The following SHB variants were observed in gnomAD, a reference collection of about 807,000 sequenced individuals.
SHB encodes SH2 domain containing adaptor protein B.
In SHB, 20 loss-of-function variants were observed where a neutral mutation model predicts 52.3. That is an observed-to-expected ratio of 0.38 (90% CI 0.27 to 0.56). The LOEUF (loss-of-function observed/expected upper bound fraction) is 0.56. Among genes scored for constraint, SHB ranks in the 20% least tolerant of loss-of-function variants. The pLI is 0.71. For missense variants in SHB, 825 were observed against 723.3 expected (o/e 1.14, Z -1.61); for synonymous variants, 397 against 316.5 (o/e 1.25, Z -2.70).
At chr9:38,001,313 C>T (rs982709447) in intron 2 of SHB, among the ~76,000 whole-genome samples, 7 of 152,170 alleles carry the variant, frequency 4.6e-5, no homozygotes, top group Non-Finnish European at 8.8e-5. Context: ...CAAAGGGAGA[C>T]GGAACCACCC....
At chr9:37,970,177 G>T (rs1820574646) in intron 3 of SHB, among the ~76,000 whole-genome samples, 1 of 152,208 alleles carries the variant, frequency 6.6e-6, no homozygotes, top group South Asian at 2.1e-4. Flanking sequence ...AGTGGGAGTG[G>T]GGGTCTGGTG....
chr9:37,927,383 A>G (rs1832262610), intron 5 of SHB, among the ~76,000 whole-genome samples: 1 of 152,250 alleles, frequency 6.6e-6, no homozygotes, highest in Non-Finnish European at 1.5e-5. Flanking sequence ...GCTGAGCAAA[A>G]TGACGTGATT....
At chr9:37,966,917 C>T (rs553758643) in intron 3 of SHB, among the ~76,000 whole-genome samples, 5 of 152,296 alleles carry the variant, frequency 3.3e-5, no homozygotes, top group Admixed American at 2.6e-4. Flanking sequence ...TTGAGGGGGA[C>T]GGTGACAAGT....
intron 2 of SHB, among the ~76,000 whole-genome samples, chr9:37,989,359 C>T (rs75111168): frequency 0.012 from 1,882 of 152,248 alleles, 18 homozygotes; most frequent in Non-Finnish European, 0.019. Context: ...TAGCAGTTCC[C>T]TAAGAGGACC....
intron 1 of SHB, among the ~76,000 whole-genome samples, chr9:38,043,632 G>C (rs1821608732): frequency 6.6e-6 from 1 of 152,176 alleles, no homozygotes; most frequent in Admixed American, 6.5e-5. Flanking sequence ...GCTCACACCT[G>C]TAATCCCAGC....
chr9:37,958,337 T>G lies in SHB; in HGVS notation c.1055-2283A>C, dbSNP rs73455532. Among the ~76,000 whole-genome samples the G allele has an allele frequency of 8.2e-3, 1,251 of 152,096 alleles. 18 individuals carry two copies. The highest frequency in any genetic ancestry group is 0.028 in the African/African-American group (1,173 of 41,490). ...GACTACGGGTGACCACAGGCTGAAG[T>G]GCAGCATCAGAGAAGGACGACTACT... On this transcript the variant is annotated intron_variant, in intron 3 of 5. Transcript: ENST00000377707.
At position 38,068,479 on chromosome 9, in the gene SHB, C is replaced by T. The variant is rs1822007192; in HGVS notation, c.167G>A (p.Gly56Asp). The T allele has an allele frequency of 6.6e-7, 1 of 1,505,392 alleles. No individual in the cohort carries two copies. The highest frequency in any genetic ancestry group is 1.4e-5 in the African/African-American group (1 of 69,102). 93.3% of individuals were successfully genotyped at this position (1,505,392 alleles called of 1,614,324 possible). A position where few individuals can be genotyped will look rare whatever the true frequency, so the allele number is the denominator to read the frequency against. ...TGAGAAGCAGGAGGCGGTGGCCGGA[C>T]CGCAGGACGCCGAGGCGGCGGAGGA... ...QASSAASASC[G>D]PATASCFSAS... The change falls in exon 1 of 6, where the codon GGT (glycine) becomes GAT (aspartate). Residue 56 changes from glycine to aspartate, a missense_variant. Transcript: ENST00000377707.
At chr9:38,019,883 C>T (rs944841875) in intron 1 of SHB, among the ~76,000 whole-genome samples, 3 of 151,982 alleles carry the variant, frequency 2.0e-5, no homozygotes, top group Admixed American at 2.0e-4. Flanking sequence ...CATTATGCAG[C>T]AGGCTGAAAA....
Position 37,955,887 on chromosome 9 carries a change from G to C in SHB, c.1222C>G (p.Gln408Glu). The C allele has an allele frequency of 6.2e-7, 1 of 1,613,182 alleles. No homozygotes were observed. Among genetic ancestry groups the C allele is most frequent in the Non-Finnish European group, 8.5e-7 (1 of 1,179,440 alleles). The change falls in exon 4 of 6, where the codon CAA becomes GAA. Residue 408 changes from glutamine to glutamate, a missense_variant. Gln to Glu is a conservative substitution (Grantham distance 29, BLOSUM62 2). Transcript: ENST00000377707. ...RVDPAVPLEK[Q>E]IWYHGAISRG... The stretch of plus-strand genomic sequence containing the variant: ...GCTTTGCTCCCAAGAACTTACATTT[G>C]CTTCTCCAGGGGGACGGCAGGATCC...
chr9:37,977,234 A>C (rs1428170581), intron 2 of SHB, among the ~76,000 whole-genome samples: 1 of 152,194 alleles, frequency 6.6e-6, no homozygotes, highest in African/African-American at 2.4e-5. Context: ...AATGAATAAA[A>C]ACCAGCAAGG....
rs1225270546 is a variant in SHB, at chr9:37,997,473, A to T, written c.838+18538T>A. On this transcript the variant is annotated intron_variant, in intron 2 of 5. Coordinates refer to ENST00000377707, the MANE Select transcript of SHB (RefSeq NM_003028.3). ...CCTTTCCTGCCTCCTTTTCCCCTGG[A>T]ACCTGAGTGATCGAAATACCTCTGT... 2.0e-5 allele frequency among the ~76,000 whole-genome samples: 3 copies of T among 152,148 alleles called. No individual in the cohort carries two copies. In the East Asian group the frequency reaches 5.8e-4, roughly 29 times the overall value.
intron 5 of SHB, among the ~76,000 whole-genome samples, chr9:37,929,105 A>G (rs1832284010): frequency 6.6e-6 from 1 of 152,262 alleles, no homozygotes; most frequent in Non-Finnish European, 1.5e-5. Context: ...AGGGCCACCC[A>G]GACCTGTATC....
intron 1 of SHB, among the ~76,000 whole-genome samples, chr9:38,048,447 A>G (rs1349617865): frequency 6.6e-6 from 1 of 152,202 alleles, no homozygotes; most frequent in Non-Finnish European, 1.5e-5. Context: ...CAGCCTGGGC[A>G]GCACAGTGAG....
intron 1 of SHB, among the ~76,000 whole-genome samples, chr9:38,054,026 A>C (rs2118172735): frequency 6.7e-6 from 1 of 148,844 alleles, no homozygotes; most frequent in South Asian, 2.1e-4. Flanking sequence ...AATGGTCAGG[A>C]AACACCATCT....
intron 1 of SHB, among the ~76,000 whole-genome samples, chr9:38,063,815 A>T (rs1419545469): frequency 9.1e-5 from 12 of 131,692 alleles, no homozygotes; most frequent in Admixed American, 4.4e-4. Flanking sequence ...TTTTTTTTTT[A>T]AAGTTAGACA....
chr9:38,013,693 G>A (rs896023799), intron 2 of SHB, among the ~76,000 whole-genome samples: 4 of 152,174 alleles, frequency 2.6e-5, no homozygotes, highest in Admixed American at 6.5e-5. Context: ...AGGGAACTCC[G>A]GCTCCATTCC....
intron 1 of SHB, among the ~76,000 whole-genome samples, chr9:38,036,797 C>A (rs1482814968): frequency 6.6e-6 from 1 of 152,206 alleles, no homozygotes; most frequent in Non-Finnish European, 1.5e-5. Flanking sequence ...ATGCTCAGTT[C>A]TTTTAATACA....
chr9:37,962,096 G>C (rs73455537), intron 3 of SHB, among the ~76,000 whole-genome samples: 2,044 of 152,312 alleles, frequency 0.013, 47 homozygotes, highest in African/African-American at 0.046. Flanking sequence ...TTGAGCCTTA[G>C]CTGCCTCATC....
At position 38,013,300 on chromosome 9, in the gene SHB, C is replaced by A. The variant is rs555366327; in HGVS notation, c.838+2711G>T. On this transcript the variant is annotated intron_variant, in intron 2 of 5. Transcript: ENST00000377707. ...AAATTGCCCTGCCTTGGACCTAACC[C>A]CATGGGGTGTACCCTCATTTAAAAG... 1.3e-3 allele frequency among the ~76,000 whole-genome samples: 196 copies of A among 152,316 alleles called. 1 individual carries two copies. The highest frequency in any genetic ancestry group is 4.5e-3 in the African/African-American group (188 of 41,568).
Sources: gnomAD v4.1 joint callset for allele counts (sites outside exome capture counted in the v4.1 genomes callset) on GRCh38, gnomAD v4.1.1 for gene constraint, MANE v1.5 for transcripts, NCBI Gene and HGNC (gene_info 2026-07-23, HGNC 2026-07-21) for gene names.